The following FXR2 variants were observed in gnomAD, a reference collection of about 807,000 sequenced individuals.
The protein encoded by FXR2 is RNA-binding protein FXR2.
FXR2 carries 9 observed loss-of-function variants against 87.3 expected under a neutral mutation model. The observed-to-expected ratio is 0.10, with a 90% CI of 0.06 to 0.18. The LOEUF (loss-of-function observed/expected upper bound fraction) is 0.18, where lower values mean the gene tolerates loss of function less well. FXR2 is among the 10% of genes least tolerant of loss of function. FXR2 has a pLI of 1.00. For synonymous variants in FXR2, 331 were observed against 328.3 expected (o/e 1.01, Z -0.09); for missense variants, 661 against 893.6 (o/e 0.74, Z 3.32).
rs771629059 is a variant in FXR2, at chr17:7,592,748, C to T, written c.1675G>A (p.Val559Ile). The T allele has an allele frequency of 3.5e-5, 56 of 1,613,682 alleles. 2 individuals carry two copies. The highest frequency in any genetic ancestry group is 3.3e-4 in the Middle Eastern group (2 of 6,084). ...RRRRTDEDRT[V>I]MDGGLESDGP... is the part of the protein sequence containing the mutation. The stretch of plus-strand genomic sequence containing the variant: ...TCTGATTCCAGGCCTCCATCCATGA[C>T]GGTCCTGTCTTCATCAGTGCGGCGG... The change falls in exon 14 of 17, where the codon GTC (valine) becomes ATC (isoleucine). Residue 559 changes from valine (V) to isoleucine (I), a missense_variant. This residue lies in a region of FXR2 where 409 missense variants were observed against 432.0 expected (regional missense o/e 0.95). Transcript: ENST00000250113. The surrounding 1 kb of genome is among the most constrained non-coding windows in gnomAD (Gnocchi z 4.8).
rs1567754112 is a variant in FXR2 at position 7,610,034 on chromosome 17, G to GTA, written c.82-3887_82-3886dup. Among the ~76,000 whole-genome samples the GTA allele has an allele frequency of 1.2e-4, 9 of 74,994 alleles. No homozygotes were observed. In the East Asian group the frequency reaches 1.3e-3, roughly 11 times the overall value. 49.2% of individuals were successfully genotyped at this position (74,994 alleles called of 152,430 possible). A position where few individuals can be genotyped will look rare whatever the true frequency, so the allele number is the denominator to read the frequency against. On this transcript the variant is annotated intron_variant, in intron 1 of 16. Transcript: ENST00000250113. ...TATATATACATGTATATGTATACAT[G>GTA]TATGTATATATATACACACACACAC...
In FXR2 at chr17:7,592,024, G is replaced by T. The variant is rs2071666169; in HGVS notation, c.1927-99C>A. The T allele has an allele frequency of 8.2e-7, 1 of 1,225,030 alleles. No individual in the cohort carries two copies. The highest frequency in any genetic ancestry group is 1.1e-6 in the Non-Finnish European group (1 of 883,680). The allele number at this position is 1,225,030 out of a possible 1,614,324, so 75.9% of individuals were successfully genotyped here. ...ACCATCCAAGCCCTCCTGGCATTTG[G>T]TGATCCAGAGGTTGGTTCCCTGATC... On this transcript the variant is annotated intron_variant, in intron 16 of 16. Transcript: ENST00000250113. The surrounding 1 kb of genome is among the most constrained non-coding windows in gnomAD (Gnocchi z 4.8).
intron 7 of FXR2, among the ~76,000 whole-genome samples, chr17:7,597,691 G>A (rs2150942194): frequency 6.6e-6 from 1 of 152,282 alleles, no homozygotes. Context: ...TTGCAGGCGT[G>A]AGCCGCTGCA....
In FXR2 at chr17:7,602,934, A is replaced by G; in HGVS notation, c.518T>C (p.Ile173Thr). The change falls in exon 6 of 17, where the codon ATC becomes ACC. Residue 173 changes from isoleucine (I) to threonine (T), a missense_variant. By Grantham distance (89) the Ile-to-Thr change is moderately conservative. Coordinates refer to ENST00000250113, the MANE Select transcript of FXR2 (RefSeq NM_004860.4). ...ALGANCIFLNITNSELFILST... is the reference protein window; with the variant it reads ...ALGANCIFLNTTNSELFILST... The stretch of plus-strand genomic sequence containing the variant: ...CAGAATGAAGAGCTCACTGTTTGTG[A>G]TGTTGAGAAAGATGCAGTTGGCTCC... 6.4e-7 allele frequency: 1 copy of G among 1,553,316 alleles called. No homozygotes were observed. Among genetic ancestry groups the G allele is most frequent in the African/African-American group, 1.4e-5 (1 of 73,768 alleles).
At chr17:7,598,202 G>A (rs1197534524) in intron 7 of FXR2, among the ~76,000 whole-genome samples, 1 of 152,082 alleles carries the variant, frequency 6.6e-6, no homozygotes, top group African/African-American at 2.4e-5. Context: ...TGTAATCCCA[G>A]CACTTTGGGA....
rs560641734 is a variant in FXR2, at chr17:7,599,454, A to G, written c.660+1955T>C. Reference sequence around the variant, plus strand: ...AGGCACAGAAAAAAGCCTCCCAAAAAGATCAATTCCCTTGATAAATGGAAA... The same window carrying G: ...AGGCACAGAAAAAAGCCTCCCAAAAGGATCAATTCCCTTGATAAATGGAAA... On this transcript the variant is annotated intron_variant, in intron 7 of 16. Coordinates refer to ENST00000250113, the MANE Select transcript of FXR2 (RefSeq NM_004860.4). Among the ~76,000 whole-genome samples the G allele has an allele frequency of 7.9e-5, 12 of 152,348 alleles. 1 individual carries two copies. The South Asian group carries it at 2.5e-3, about 32-fold the overall frequency.
chr17:7,605,225 G>A (rs1406021098), intron 3 of FXR2, among the ~76,000 whole-genome samples: 2 of 151,232 alleles, frequency 1.3e-5, no homozygotes, highest in African/African-American at 2.5e-5. Context: ...AAAATTACCC[G>A]AGCATGATGG....
chr17:7,601,656 C>T (rs571709746), intron 6 of FXR2, 131 bp from the exon 7 acceptor site: 39 of 621,694 alleles, frequency 6.3e-5, no homozygotes, highest in East Asian at 5.1e-4. Flanking sequence ...AGACCGGGCG[C>T]GGTGGCTCAT....
chr17:7,608,171 G>A (rs2071819241), intron 1 of FXR2, among the ~76,000 whole-genome samples: 1 of 151,484 alleles, frequency 6.6e-6, no homozygotes, highest in African/African-American at 2.4e-5. Context: ...GCCCAGGCTG[G>A]TCTTGAACTC....
At position 7,614,657 on chromosome 17, in the gene FXR2, C is replaced by T; in HGVS notation, c.-125G>A. On this transcript the variant is annotated 5_prime_UTR_variant, in exon 1 of 17. Transcript: ENST00000250113. ...AGGGGGAGCCGCGGGGGGCGGGAGCCGGGCCGGCCCCACGGCGGCCCTGCC... is the reference window on the plus strand; with the variant it reads ...AGGGGGAGCCGCGGGGGGCGGGAGCTGGGCCGGCCCCACGGCGGCCCTGCC... 1 of 454,052 alleles carries T rather than the reference C, an allele frequency of 2.2e-6. No homozygotes were observed. The highest frequency in any genetic ancestry group is 3.5e-6 in the Non-Finnish European group (1 of 287,386). The allele number at this position is 454,052 out of a possible 1,614,324, so 28.1% of individuals were successfully genotyped here. A position where few individuals can be genotyped will look rare whatever the true frequency, so the allele number is the denominator to read the frequency against.
At chr17:7,612,874 T>C in intron 1 of FXR2, among the ~76,000 whole-genome samples, 1 of 151,462 alleles carries the variant, frequency 6.6e-6, no homozygotes, top group African/African-American at 2.4e-5. Context: ...TGGGCACCTG[T>C]AGTCCCAGCT....
Position 7,614,434 on chromosome 17 carries a change from G to A in FXR2, c.81+18C>T. 4.6e-6 allele frequency: 7 copies of A among 1,514,088 alleles called. No individual in the cohort carries two copies. The highest frequency in any genetic ancestry group is 1.2e-5 in the South Asian group (1 of 82,098). The allele number at this position is 1,514,088 out of a possible 1,614,324, so 93.8% of individuals were successfully genotyped here. A position where few individuals can be genotyped will look rare whatever the true frequency, so the allele number is the denominator to read the frequency against. On this transcript the variant is annotated intron_variant, in intron 1 of 16. Transcript: ENST00000250113. ...AGGGGGCTAAGGACCGGCGTCCCCA[G>A]TCGGCGCGCCGTCTCACCTTGTAGA...
In FXR2 at chr17:7,604,861, A is replaced by C. The variant is rs372881132; in HGVS notation, c.229-781T>G. Among the ~76,000 whole-genome samples, 21 of 151,002 alleles carry C rather than the reference A, an allele frequency of 1.4e-4. 2 individuals are homozygous for C. Among genetic ancestry groups the C allele is most frequent in the Admixed American group, 8.6e-4 (13 of 15,170 alleles). On this transcript the variant is annotated intron_variant, in intron 3 of 16. Coordinates refer to ENST00000250113, the MANE Select transcript of FXR2 (RefSeq NM_004860.4). ...CTCAGCCTCCCAAGTAGCTGGGATT[A>C]TAGGCGCCCGCCACCACGCCCAGCT...
In FXR2 at chr17:7,614,758, G is replaced by C. The variant is rs1337864806; in HGVS notation, c.-226C>G. ...CCGCCTTGGTCTCCGCCACCGTGAG[G>C]GAAACGGCCGCCGCCGCCGCTGCCT... On this transcript the variant is annotated 5_prime_UTR_variant, in exon 1 of 17. Coordinates refer to ENST00000250113, the MANE Select transcript of FXR2 (RefSeq NM_004860.4). 1 of 239,344 alleles carries C rather than the reference G, an allele frequency of 4.2e-6. No individual in the cohort carries two copies. Among genetic ancestry groups the C allele is most frequent in the African/African-American group, 2.3e-5 (1 of 43,134 alleles). 14.8% of individuals were successfully genotyped at this position (239,344 alleles called of 1,614,324 possible).
chr17:7,614,426 C>T, intron 1 of FXR2, 26 bp downstream of exon 1: 1 of 1,493,678 alleles, frequency 6.7e-7, no homozygotes, highest in Non-Finnish European at 9.0e-7. Flanking sequence ...TAAGGACCGG[C>T]GTCCCCAGTC....
intron 1 of FXR2, among the ~76,000 whole-genome samples, chr17:7,607,552 C>T (rs886242728): frequency 2.0e-5 from 3 of 151,792 alleles, no homozygotes; most frequent in Non-Finnish European, 4.4e-5. Flanking sequence ...CTCAGCCTCA[C>T]GAGTAGCTGA....
chr17:7,608,567 A>G (rs1453485359), intron 1 of FXR2, among the ~76,000 whole-genome samples: 2 of 151,512 alleles, frequency 1.3e-5, no homozygotes, highest in Admixed American at 6.6e-5. Context: ...GCAGTCAGTC[A>G]AGATCATGCC....
At chr17:7,606,187 T>C (rs374628887) in intron 1 of FXR2, 38 bp from the exon 2 acceptor site, 20 of 1,385,358 alleles carry the variant, frequency 1.4e-5, no homozygotes, top group Non-Finnish European at 2.0e-5. Flanking sequence ...AAAAATAAAA[T>C]GACCTTTTAC....
At chr17:7,600,204 CT>C (rs1269200247) in intron 7 of FXR2, among the ~76,000 whole-genome samples, 1 of 148,830 alleles carries the variant, frequency 6.7e-6, no homozygotes, top group Non-Finnish European at 1.5e-5. Flanking sequence ...CAGTCATATC[CT>C]TTTTTTCTTT....
Sources: allele counts gnomAD v4.1 joint callset (sites outside exome capture counted in the v4.1 genomes callset), GRCh38; gene constraint gnomAD v4.1.1; regional missense constraint gnomAD v4.1.1; non-coding constraint Gnocchi (gnomAD v3.1); transcripts MANE v1.5; gene names NCBI Gene and HGNC (gene_info 2026-07-23, HGNC 2026-07-21).